The following RAP1GAP2 variants were observed in gnomAD, a reference collection of about 807,000 sequenced individuals.
The protein encoded by RAP1GAP2 is RAP1 GTPase activating protein 2, also known as rap1 GTPase-activating protein 2.
Under a neutral mutation model 95.0 loss-of-function variants are expected in RAP1GAP2, and 27 were observed. The ratio of observed to expected loss-of-function variants is 0.28; its 90% confidence interval spans 0.21 to 0.39. The LOEUF (loss-of-function observed/expected upper bound fraction) is 0.39. RAP1GAP2 is among the 10% of genes least tolerant of loss of function. RAP1GAP2 has a pLI of 1.00. For missense variants in RAP1GAP2, 771 were observed against 970.0 expected, an observed-to-expected ratio of 0.79 and a Z score of 2.72; for synonymous variants, 373 against 380.9, an observed-to-expected ratio of 0.98 and a Z score of 0.24.
chr17:3,026,232 A>T, intron 20 of RAP1GAP2, 111 bp downstream of exon 20: 1 of 1,310,814 alleles, frequency 7.6e-7, no homozygotes, highest in Non-Finnish European at 1.1e-6. Flanking sequence ...GGAACTCTCC[A>T]GAACACAAAG....
At chr17:2,940,175 C>T (rs540117446) in intron 3 of RAP1GAP2, among the ~76,000 whole-genome samples, 2 of 152,210 alleles carry the variant, frequency 1.3e-5, no homozygotes, top group East Asian at 3.9e-4. Flanking sequence ...TGGCTGGGAG[C>T]CCCGAGTGGC....
intron 11 of RAP1GAP2, among the ~76,000 whole-genome samples, chr17:2,989,097 A>C (rs374375193): frequency 2.2e-4 from 29 of 132,132 alleles, no homozygotes; most frequent in African/African-American, 4.9e-4. Context: ...CAAAACAAAA[A>C]AAAAACTGCC....
chr17:2,758,829 A>G (rs973937592), intron 1 of RAP1GAP2, among the ~76,000 whole-genome samples: 2 of 152,194 alleles, frequency 1.3e-5, no homozygotes, highest in African/African-American at 2.4e-5. Context: ...TTCATGTTTC[A>G]GGCACAGCTA....
intron 3 of RAP1GAP2, among the ~76,000 whole-genome samples, chr17:2,912,119 G>T (rs2042405133): frequency 6.6e-6 from 1 of 152,244 alleles, no homozygotes; most frequent in African/African-American, 2.4e-5. Flanking sequence ...GCCAGGGAAT[G>T]CCCCCACCGC....
rs552501498 is a variant in RAP1GAP2, at chr17:2,968,003, G to A, written c.596+2360G>A. 1.1e-3 allele frequency among the ~76,000 whole-genome samples: 171 copies of A among 152,276 alleles called. 1 individual carries two copies. The highest frequency in any genetic ancestry group is 4.1e-3 in the African/African-American group (169 of 41,570). ...TTTCAAGTTTGGATATAAAGAAGAA[G>A]AAGTTTTATGGGTTTGTAAAAGAAG... On this transcript the variant is annotated intron_variant, in intron 8 of 24. Transcript: ENST00000254695.
Position 3,020,513 on chromosome 17 carries a change from C to T in RAP1GAP2, c.1669C>T (p.Arg557Trp), listed in dbSNP as rs376172279. 7.4e-6 allele frequency: 12 copies of T among 1,613,890 alleles called. No individual in the cohort carries two copies. In the Admixed American group the frequency reaches 8.3e-5, roughly 11 times the overall value. The change falls in exon 19 of 25, where the codon CGG becomes TGG. Residue 557 changes from arginine (R) to tryptophan (W), a missense_variant. Coordinates refer to ENST00000254695, the MANE Select transcript of RAP1GAP2 (RefSeq NM_015085.5). ...VVAATVKNQS[R>W]SPIKRRSGLF... ...GGCGGCAACGGTGAAGAACCAGTCA[C>T]GGAGTCCCATCAAGCGACGCTCGGG...
intron 2 of RAP1GAP2, among the ~76,000 whole-genome samples, chr17:2,889,863 G>GTGTATATATATATATATA (rs1363693850): frequency 1.3e-5 from 1 of 79,862 alleles, no homozygotes; most frequent in African/African-American, 5.1e-5. Context: ...TTATGTGTGT[G>GTGTATATATATATATATA]TATATATATA....
At chr17:2,813,518 C>T (rs1026277635) in intron 2 of RAP1GAP2, among the ~76,000 whole-genome samples, 98 of 280 alleles carry the variant, frequency 0.35, no homozygotes, top group Admixed American at 0.45. Context: ...TCCTGGTGGG[C>T]GTGAGCCCTC....
chr17:2,772,814 G>T (rs1426246416), upstream of RAP1GAP2, among the ~76,000 whole-genome samples: 1 of 151,394 alleles, frequency 6.6e-6, no homozygotes, highest in Non-Finnish European at 1.5e-5. Flanking sequence ...TACTTGAAGT[G>T]GGGGAAAAGG....
At chr17:2,819,020 CTATT>C (rs1403864700) in intron 2 of RAP1GAP2, among the ~76,000 whole-genome samples, 2 of 150,526 alleles carry the variant, frequency 1.3e-5, no homozygotes, top group African/African-American at 4.9e-5. Context: ...GTTGTAAAGT[CTATT>C]TTTTTTTTTT....
intron 3 of RAP1GAP2, among the ~76,000 whole-genome samples, chr17:2,928,911 C>T (rs966753822): frequency 6.6e-6 from 1 of 152,046 alleles, no homozygotes. Flanking sequence ...AGGGGCTGGT[C>T]TGGATTCACT....
chr17:2,896,298 C>G (rs1206544795), intron 2 of RAP1GAP2, among the ~76,000 whole-genome samples: 2 of 152,174 alleles, frequency 1.3e-5, no homozygotes, highest in African/African-American at 2.4e-5. Flanking sequence ...CACGCTGAGA[C>G]ACTACCCTTG....
In RAP1GAP2 at chr17:2,963,351, T is replaced by G; in HGVS notation, c.247-79T>G. The G allele has an allele frequency of 6.7e-7, 1 of 1,500,424 alleles. No homozygotes were observed. Among genetic ancestry groups the G allele is most frequent in the Non-Finnish European group, 9.2e-7 (1 of 1,082,884 alleles). The allele number at this position is 1,500,424 out of a possible 1,614,324, so 92.9% of individuals were successfully genotyped here. On this transcript the variant is annotated intron_variant, in intron 5 of 24. Coordinates refer to ENST00000254695, the MANE Select transcript of RAP1GAP2 (RefSeq NM_015085.5). The surrounding 1 kb of genome is among the most constrained non-coding windows in gnomAD (Gnocchi z 4.8). Reference sequence around the variant, plus strand: ...AAAGCCCCCCCACAACATATCCCCCTTGCAAGACCTGGAAACAGTGGTCAG... The same window carrying G: ...AAAGCCCCCCCACAACATATCCCCCGTGCAAGACCTGGAAACAGTGGTCAG...
chr17:3,015,520 T>C (rs1042462589), intron 17 of RAP1GAP2, among the ~76,000 whole-genome samples: 2 of 152,114 alleles, frequency 1.3e-5, no homozygotes, highest in African/African-American at 2.4e-5. Flanking sequence ...GACCCAGCTC[T>C]TCCTAAGATG....
chr17:2,927,442 C>T (rs556478232), intron 3 of RAP1GAP2, among the ~76,000 whole-genome samples: 83 of 152,296 alleles, frequency 5.4e-4, no homozygotes, highest in African/African-American at 1.1e-3. Flanking sequence ...CGTGAGCCAC[C>T]GCGCCCGGCT....
intron 2 of RAP1GAP2, among the ~76,000 whole-genome samples, chr17:2,813,659 G>A (rs2069871103): frequency 6.6e-6 from 1 of 152,040 alleles, no homozygotes; most frequent in Admixed American, 6.6e-5. Context: ...ACCCCTCACT[G>A]TGATAATGAA....
At chr17:2,761,550 C>G (rs745540271) in intron 1 of RAP1GAP2, among the ~76,000 whole-genome samples, 2 of 150,984 alleles carry the variant, frequency 1.3e-5, no homozygotes, top group African/African-American at 4.9e-5. Flanking sequence ...GGCCTCCCAA[C>G]GTGCTGGGAT....
chr17:2,824,395 C>T (rs1346816315), intron 2 of RAP1GAP2, among the ~76,000 whole-genome samples: 6 of 144,904 alleles, frequency 4.1e-5, no homozygotes, highest in Admixed American at 1.4e-4. Flanking sequence ...TTCAGTGAAC[C>T]GAGATTGTGC....
intron 19 of RAP1GAP2, among the ~76,000 whole-genome samples, chr17:3,024,271 A>C (rs1053271449): frequency 4.6e-5 from 7 of 152,204 alleles, no homozygotes; most frequent in Non-Finnish European, 8.8e-5. Flanking sequence ...ACACACAGAG[A>C]AGTCCAGCAA....
Sources: allele counts gnomAD v4.1 joint callset (sites outside exome capture counted in the v4.1 genomes callset), GRCh38; gene constraint gnomAD v4.1.1; non-coding constraint Gnocchi (gnomAD v3.1); transcripts MANE v1.5; gene names NCBI Gene and HGNC (gene_info 2026-07-23, HGNC 2026-07-21).